The following TULP4 variants were observed in gnomAD, a reference collection of about 807,000 sequenced individuals.
The protein encoded by TULP4 is TUB like protein 4.
In TULP4, 16 loss-of-function variants were observed where a neutral mutation model predicts 129.0. The ratio of observed to expected loss-of-function variants is 0.12; its 90% CI spans 0.08 to 0.19. The LOEUF (loss-of-function observed/expected upper bound fraction) is 0.19, where lower values mean the gene tolerates loss of function less well. Ranked by LOEUF, TULP4 falls within the 10% of genes least tolerant of loss-of-function variation. TULP4 has a pLI of 1.00. For missense variants in TULP4, 1,842 were observed against 2,059.1 expected (o/e 0.89, Z 2.04); for synonymous variants, 998 against 854.0 (o/e 1.17, Z -2.94).
chr6:158,440,788 GA>G (rs1778879037), intron 3 of TULP4, among the ~76,000 whole-genome samples: 1 of 152,174 alleles, frequency 6.6e-6, no homozygotes, highest in African/African-American at 2.4e-5. Flanking sequence ...GTGTATTTGA[GA>G]AATTCTGTTG....
rs917256233 is a variant in TULP4 at position 158,490,860 on chromosome 6, T to A, written c.1631+1128T>A. 7.2e-5 allele frequency among the ~76,000 whole-genome samples: 11 copies of A among 152,306 alleles called. No homozygotes were observed. In the East Asian group the frequency reaches 2.1e-3, roughly 29 times the overall value. On this transcript the variant is annotated intron_variant, in intron 9 of 13. Transcript: ENST00000367097. ...TGTTGCATGTATCAGTAGTTTGTTT[T>A]TCTTTATTGCTCCGTGGTATTCCAT...
chr6:158,388,326 T>TTTTC (rs1554286522), intron 1 of TULP4, among the ~76,000 whole-genome samples: 3 of 117,002 alleles, frequency 2.6e-5, no homozygotes, highest in Non-Finnish European at 5.3e-5. Context: ...GTTTTTCTTT[T>TTTTC]TTTTTTTTTT....
intron 3 of TULP4, among the ~76,000 whole-genome samples, chr6:158,440,399 C>G (rs569836909): frequency 1.3e-5 from 2 of 150,924 alleles, no homozygotes; most frequent in African/African-American, 4.9e-5. Flanking sequence ...GAAACCCTTA[C>G]TGGTGACTGG....
At chr6:158,439,678 G>A (rs971938925) in intron 3 of TULP4, among the ~76,000 whole-genome samples, 3 of 135,290 alleles carry the variant, frequency 2.2e-5, no homozygotes, top group African/African-American at 8.4e-5. Flanking sequence ...TCTCTCTCAT[G>A]TAAGCTCTTG....
At chr6:158,362,280 T>C (rs1780809891) in intron 1 of TULP4, among the ~76,000 whole-genome samples, 1 of 152,234 alleles carries the variant, frequency 6.6e-6, no homozygotes, top group South Asian at 2.1e-4. Flanking sequence ...GATACTGTTG[T>C]AGTTACTGAC....
intron 1 of TULP4, among the ~76,000 whole-genome samples, chr6:158,388,622 C>T (rs568871881): frequency 6.7e-6 from 1 of 148,872 alleles, no homozygotes; most frequent in Admixed American, 6.7e-5. Context: ...AGCCACCGTG[C>T]CCGGCCTAAT....
intron 5 of TULP4, among the ~76,000 whole-genome samples, chr6:158,457,779 A>G (rs1403371097): frequency 6.6e-6 from 1 of 152,172 alleles, no homozygotes; most frequent in Non-Finnish European, 1.5e-5. Context: ...CACTGAAAAA[A>G]TGAGGAGGGA....
intron 1 of TULP4, among the ~76,000 whole-genome samples, chr6:158,381,632 C>T (rs532421988): frequency 4.6e-5 from 7 of 152,180 alleles, no homozygotes; most frequent in South Asian, 2.1e-4. Flanking sequence ...ATTAGAATTG[C>T]GGATTGTGTT....
intron 1 of TULP4, among the ~76,000 whole-genome samples, chr6:158,365,030 C>T (rs754812057): frequency 4.0e-4 from 61 of 151,884 alleles, no homozygotes; most frequent in African/African-American, 3.9e-4. Flanking sequence ...CCACCGCGCC[C>T]AGCCCCTAGA....
chr6:158,401,046 G>A (rs979792029), intron 1 of TULP4, among the ~76,000 whole-genome samples: 1 of 120,566 alleles, frequency 8.3e-6, no homozygotes, highest in African/African-American at 2.8e-5. Context: ...GTTTGTTTGG[G>A]TTTTTTGTTG....
In TULP4 at chr6:158,429,718, T is replaced by C. The variant is rs1370974105; in HGVS notation, c.382-18T>C. On this transcript the variant is annotated intron_variant, in intron 2 of 13. Transcript: ENST00000367097. Reference sequence around the variant, plus strand: ...TTTTCAGATTACAAATTGACTCTTTTCTGTGTGTGTCCCCAAGGTGAGTGA... The same window carrying C: ...TTTTCAGATTACAAATTGACTCTTTCCTGTGTGTGTCCCCAAGGTGAGTGA... The C allele has an allele frequency of 1.2e-6, 2 of 1,601,080 alleles. No homozygotes were observed. The highest frequency in any genetic ancestry group is 1.7e-6 in the Non-Finnish European group (2 of 1,173,450).
chr6:158,497,988 A>G (rs1780368386), intron 11 of TULP4, among the ~76,000 whole-genome samples: 1 of 152,228 alleles, frequency 6.6e-6, no homozygotes, highest in Non-Finnish European at 1.5e-5. Flanking sequence ...GATTCATTAT[A>G]TTTAAACTTA....
Position 158,285,260 on chromosome 6 carries a change from TAAAC to T in TULP4, n.116+2885_116+2888del, listed in dbSNP as rs760790300. On this transcript the variant is annotated intron_variant and non_coding_transcript_variant, in intron 1 of 1. Coordinates refer to the TULP4 transcript ENST00000432358. ...ATTTTTTGTTGTTGTTAAGCAACAATAAACAATTCTTTATAACAAATAATATGTT... is the reference window on the plus strand; with the variant it reads ...ATTTTTTGTTGTTGTTAAGCAACAATAATTCTTTATAACAAATAATATGTT... Among the ~76,000 whole-genome samples, 13 of 152,290 alleles carry T rather than the reference TAAAC, an allele frequency of 8.5e-5. No homozygotes were observed. The East Asian group carries it at 2.5e-3, about 29-fold the overall frequency.
rs575098598 is a variant in TULP4, at chr6:158,493,790, G to A, written c.1776+73G>A. 48 of 1,455,292 alleles carry A rather than the reference G, an allele frequency of 3.3e-5. No homozygotes were observed. Among genetic ancestry groups the A allele is most frequent in the Non-Finnish European group, 3.3e-5 (36 of 1,098,282 alleles). 90.1% of individuals were successfully genotyped at this position (1,455,292 alleles called of 1,614,324 possible). A position where few individuals can be genotyped will look rare whatever the true frequency, so the allele number is the denominator to read the frequency against. The stretch of plus-strand genomic sequence containing the variant: ...ATGCCCAGAGGGCCCCTTCCTACCC[G>A]CCGCCTGCACTGCTCACTGCCACCA... On this transcript the variant is annotated intron_variant, in intron 10 of 13. Coordinates refer to ENST00000367097, the MANE Select transcript of TULP4 (RefSeq NM_020245.5). This position sits in a 1 kb window ranked among gnomAD's most constrained non-coding sequence, Gnocchi z 4.4.
intron 1 of TULP4, among the ~76,000 whole-genome samples, chr6:158,362,785 C>T (rs1237298675): frequency 6.6e-6 from 1 of 152,108 alleles, no homozygotes; most frequent in African/African-American, 2.4e-5. Context: ...CATGCAAAGT[C>T]ACAGTCTTGG....
In TULP4 at chr6:158,504,172, G is replaced by A; in HGVS notation, c.4509G>A (p.Gly1503=). 6.3e-7 allele frequency: 1 copy of A among 1,585,250 alleles called. No individual in the cohort carries two copies. The highest frequency in any genetic ancestry group is 8.6e-7 in the Non-Finnish European group (1 of 1,164,036). ...SAKNFQIELE[G]RQVMQFGRID... ...AGAACTTCCAGATTGAGTTAGAGGG[G>A]CGGCAGGTAAGACCTCAGACCAGGT... The change falls in exon 13 of 14, where the codon GGG becomes GGA. Residue 1503 remains glycine (G), a synonymous_variant. Coordinates refer to ENST00000367097, the MANE Select transcript of TULP4 (RefSeq NM_020245.5).
At chr6:158,409,418 A>T (rs1040880849) in intron 1 of TULP4, among the ~76,000 whole-genome samples, 6 of 152,236 alleles carry the variant, frequency 3.9e-5, no homozygotes, top group African/African-American at 1.4e-4. Flanking sequence ...ACCCCAAGAC[A>T]GAAGTTCTTT....
At chr6:158,466,686 C>G (rs934946722) in intron 6 of TULP4, among the ~76,000 whole-genome samples, 4 of 152,172 alleles carry the variant, frequency 2.6e-5, no homozygotes, top group African/African-American at 9.7e-5. Context: ...TGGCACTGAG[C>G]TCTGAGTGCT....
intron 1 of TULP4, among the ~76,000 whole-genome samples, chr6:158,322,255 T>C (rs993016870): frequency 6.6e-6 from 1 of 152,216 alleles, no homozygotes; most frequent in Non-Finnish European, 1.5e-5. Flanking sequence ...TTTAGTAGAT[T>C]TGTGACCAAC....
Sources: gnomAD v4.1 joint callset for allele counts (sites outside exome capture counted in the v4.1 genomes callset) on GRCh38, gnomAD v4.1.1 for gene constraint, Gnocchi (gnomAD v3.1) non-coding constraint, MANE v1.5 for transcripts, NCBI Gene and HGNC (gene_info 2026-07-23, HGNC 2026-07-21) for gene names.